The following AGBL1 variants were observed in gnomAD, a reference collection of about 807,000 sequenced individuals.
AGBL1 encodes the protein cytosolic carboxypeptidase 4.
Under a neutral mutation model 118.9 loss-of-function variants are expected in AGBL1, and 130 were observed. The observed-to-expected ratio is 1.09, with a 90% confidence interval of 0.95 to 1.26. AGBL1 has a LOEUF of 1.26. Among genes scored for constraint, AGBL1 ranks in the 50% most tolerant of loss-of-function variants. AGBL1 has a pLI of 0.00. For missense variants in AGBL1, 1,584 were observed against 1,298.1 expected (o/e 1.22, Z -3.38); for synonymous variants, 555 against 478.9 (o/e 1.16, Z -2.08).
intron 1 of AGBL1, among the ~76,000 whole-genome samples, chr15:86,108,502 G>A (rs1897179274): frequency 6.6e-6 from 1 of 152,148 alleles, no homozygotes. Context: ...TGTAGTCCCA[G>A]GACATTGGTG....
At chr15:86,578,407 G>A (rs1235040679) in intron 21 of AGBL1, among the ~76,000 whole-genome samples, 1 of 152,162 alleles carries the variant, frequency 6.6e-6, no homozygotes, top group Non-Finnish European at 1.5e-5. Context: ...GATTTTACTG[G>A]CTCATAGCCA....
At chr15:86,934,894 G>C (rs1020643162) in intron 23 of AGBL1, among the ~76,000 whole-genome samples, 3 of 152,134 alleles carry the variant, frequency 2.0e-5, no homozygotes, top group Non-Finnish European at 2.9e-5. Context: ...GGAAATTGTT[G>C]GTAGGACGAT....
At chr15:86,098,877 A>G (rs1189059591) in intron 1 of AGBL1, among the ~76,000 whole-genome samples, 1 of 151,998 alleles carries the variant, frequency 6.6e-6, no homozygotes, top group Non-Finnish European at 1.5e-5. Context: ...TGAGGATTGG[A>G]TTGAATCTGT....
chr15:86,932,522 G>A (rs537167778), intron 23 of AGBL1, among the ~76,000 whole-genome samples: 1 of 152,298 alleles, frequency 6.6e-6, no homozygotes, highest in South Asian at 2.1e-4. Flanking sequence ...CTTTGCGTGG[G>A]TGTTGAAGCC....
chr15:86,650,932 A>C (rs939905293), intron 21 of AGBL1, among the ~76,000 whole-genome samples: 1 of 152,224 alleles, frequency 6.6e-6, no homozygotes, highest in Non-Finnish European at 1.5e-5. Flanking sequence ...GTTCATTGGC[A>C]GAGCAGTGAT....
chr15:86,477,603 CA>C (rs1399093195), intron 18 of AGBL1, among the ~76,000 whole-genome samples: 3 of 151,996 alleles, frequency 2.0e-5, no homozygotes, highest in African/African-American at 4.8e-5. Flanking sequence ...GCTTACCAAC[CA>C]AAAAAAGTTC....
chr15:86,129,746 C>A (rs543714531), intron 1 of AGBL1, among the ~76,000 whole-genome samples: 1 of 152,254 alleles, frequency 6.6e-6, no homozygotes, highest in African/African-American at 2.4e-5. Context: ...AAATAATTAT[C>A]TGCCCCAAAA....
intron 22 of AGBL1, among the ~76,000 whole-genome samples, chr15:86,883,587 A>G (rs1350561718): frequency 2.6e-5 from 4 of 152,062 alleles, no homozygotes; most frequent in African/African-American, 9.7e-5. Context: ...CTCTGCTAGA[A>G]CATTCACCAA....
intron 22 of AGBL1, among the ~76,000 whole-genome samples, chr15:86,770,823 G>T (rs1451223465): frequency 6.6e-6 from 1 of 152,032 alleles, no homozygotes; most frequent in Non-Finnish European, 1.5e-5. Flanking sequence ...GGATTACACA[G>T]AATAATAACA....
At chr15:86,548,956 A>G (rs2083626639) in intron 20 of AGBL1, among the ~76,000 whole-genome samples, 2 of 152,066 alleles carry the variant, frequency 1.3e-5, no homozygotes, top group South Asian at 4.1e-4. Context: ...ACATGGTGAG[A>G]ACAGAGCCAG....
chr15:86,980,284 G>A (rs990848166), intron 23 of AGBL1, among the ~76,000 whole-genome samples: 73 of 152,312 alleles, frequency 4.8e-4, no homozygotes, highest in African/African-American at 1.7e-3. Context: ...AGAGCTGCCT[G>A]CTGATTGCTT....
intron 1 of AGBL1, among the ~76,000 whole-genome samples, chr15:86,098,195 G>T (rs1896500469): frequency 6.6e-6 from 1 of 151,542 alleles, no homozygotes; most frequent in Non-Finnish European, 1.5e-5. Context: ...TGAGTTCCTT[G>T]TATATTCTGG....
chr15:86,461,125 G>T (rs940459799), intron 18 of AGBL1, among the ~76,000 whole-genome samples: 2 of 152,124 alleles, frequency 1.3e-5, no homozygotes, highest in African/African-American at 4.8e-5. Context: ...GGGTGATTCT[G>T]ATGTCATTGT....
At chr15:86,453,730 A>C (rs2082226336) in intron 18 of AGBL1, among the ~76,000 whole-genome samples, 1 of 152,210 alleles carries the variant, frequency 6.6e-6, no homozygotes, top group African/African-American at 2.4e-5. Context: ...GCTAATGAAG[A>C]ATCTTTGGCA....
chr15:86,153,497 C>T (rs891485295), intron 3 of AGBL1, among the ~76,000 whole-genome samples: 3 of 132,792 alleles, frequency 2.3e-5, no homozygotes, highest in Admixed American at 7.6e-5. Context: ...CATCACACAC[C>T]GGGGCCTGTC....
intron 17 of AGBL1, among the ~76,000 whole-genome samples, chr15:86,396,225 ATGTGTG>A (rs1193757610): frequency 3.9e-5 from 5 of 128,172 alleles, no homozygotes; most frequent in Non-Finnish European, 6.5e-5. Flanking sequence ...GTGTATATAT[ATGTGTG>A]TGTGTGTGTG....
intron 17 of AGBL1, among the ~76,000 whole-genome samples, chr15:86,390,059 A>G (rs902920746): frequency 1.3e-5 from 2 of 152,304 alleles, no homozygotes; most frequent in African/African-American, 4.8e-5. Flanking sequence ...AAACACTGAA[A>G]GTGATGAAAA....
chr15:86,173,777 T>C (rs761263092), intron 5 of AGBL1, among the ~76,000 whole-genome samples: 3 of 152,098 alleles, frequency 2.0e-5, no homozygotes, highest in African/African-American at 4.8e-5. Context: ...CTTTCTGGGT[T>C]TTCTGTTCTG....
chr15:86,809,680 C>T (rs1266325082), intron 22 of AGBL1, among the ~76,000 whole-genome samples: 6 of 152,178 alleles, frequency 3.9e-5, no homozygotes, highest in Admixed American at 6.6e-5. Context: ...AGTTGGGGAA[C>T]TTCCAATCAT....
Sources: gnomAD v4.1 joint callset for allele counts (sites outside exome capture counted in the v4.1 genomes callset) on GRCh38, gnomAD v4.1.1 for gene constraint, MANE v1.5 for transcripts, NCBI Gene and HGNC (gene_info 2026-07-23, HGNC 2026-07-21) for gene names.